Variants in PDIA6 observed in about 807,000 individuals in gnomAD.
The protein encoded by PDIA6 is protein disulfide isomerase family A member 6, also known as protein disulfide-isomerase A6.
In PDIA6, 29 loss-of-function variants were observed where a neutral mutation model predicts 58.4. That is an observed-to-expected ratio of 0.50 (90% CI 0.37 to 0.68). The LOEUF (loss-of-function observed/expected upper bound fraction) is 0.68. Among genes scored for constraint, PDIA6 ranks in the 30% least tolerant of loss-of-function variants. PDIA6 has a pLI of 0.00. For synonymous variants in PDIA6, 192 were observed against 202.6 expected (o/e 0.95, Z 0.44); for missense variants, 480 against 551.0 (o/e 0.87, Z 1.29).
chr2:10,786,187 G>A (rs1473199263), intron 11 of PDIA6, among the ~76,000 whole-genome samples: 3 of 152,158 alleles, frequency 2.0e-5, no homozygotes, highest in Non-Finnish European at 4.4e-5. Flanking sequence ...GCTGGGCGTG[G>A]TGGCAGGCGC....
At chr2:10,831,237 A>G (rs1667702837) in intron 1 of PDIA6, among the ~76,000 whole-genome samples, 1 of 151,654 alleles carries the variant, frequency 6.6e-6, no homozygotes. Context: ...CTTCCCCTTG[A>G]CCCCGTGGCC....
intron 4 of PDIA6, 82 bp downstream of exon 4, chr2:10,796,999 G>C (rs1666293651): frequency 1.7e-6 from 2 of 1,168,440 alleles, no homozygotes; most frequent in Admixed American, 3.6e-5. Flanking sequence ...GAACCTTGCA[G>C]GTAGAGCAGG....
Position 10,783,574 on chromosome 2 carries a change from T to A in PDIA6, c.*684A>T, listed in dbSNP as rs1060005. On this transcript the variant is annotated 3_prime_UTR_variant, in exon 13 of 13. Transcript: ENST00000272227. The stretch of plus-strand genomic sequence containing the variant: ...GCTATTTTGAGGTTCATTAACAACA[T>A]AGAAAGCCTTGAACTGTATAACCAG... 7.4e-5 allele frequency: 21 copies of A among 284,448 alleles called. No individual in the cohort carries two copies. Among genetic ancestry groups the A allele is most frequent in the Non-Finnish European group, 1.3e-4 (19 of 147,520 alleles). 17.6% of individuals were successfully genotyped at this position (284,448 alleles called of 1,614,324 possible). A position where few individuals can be genotyped will look rare whatever the true frequency, so the allele number is the denominator to read the frequency against.
intron 8 of PDIA6, 148 bp downstream of exon 8, chr2:10,789,601 C>G (rs1219848807): frequency 3.1e-6 from 2 of 636,458 alleles, no homozygotes; most frequent in African/African-American, 1.8e-5. Context: ...AGCAATTTAT[C>G]AGACTTTTTT....
chr2:10,812,927 A>G (rs1667073162), upstream of PDIA6: 1 of 933,286 alleles, frequency 1.1e-6, no homozygotes, highest in South Asian at 5.6e-5. Context: ...GGTAGAGGTT[A>G]CCGGTTTGGT....
intron 1 of PDIA6, among the ~76,000 whole-genome samples, chr2:10,807,654 T>C (rs996183926): frequency 6.6e-6 from 1 of 152,206 alleles, no homozygotes; most frequent in Non-Finnish European, 1.5e-5. Flanking sequence ...CTTAGTTACA[T>C]TTTCACATGC....
Position 10,797,075 on chromosome 2 carries a change from C to A in PDIA6, c.346+6G>T. ...GGGGAATGAAGTAGCTAGGAAAAGT[C>A]CTTACCTTGGTAATCTTCTGGTCTG... On this transcript the variant is annotated splice_donor_region_variant and intron_variant, in intron 4 of 12. Coordinates refer to ENST00000272227, the MANE Select transcript of PDIA6 (RefSeq NM_005742.4). 1 of 1,613,096 alleles carries A rather than the reference C, an allele frequency of 6.2e-7. No individual in the cohort carries two copies. The highest frequency in any genetic ancestry group is 8.5e-7 in the Non-Finnish European group (1 of 1,179,384).
At chr2:10,787,193 G>C in intron 11 of PDIA6, 88 bp downstream of exon 11, 1 of 1,093,928 alleles carries the variant, frequency 9.1e-7, no homozygotes, top group Non-Finnish European at 1.4e-6. Context: ...TTTATTACCT[G>C]GCTTATATAT....
exon 1 of PDIA6, chr2:10,837,535 C>T: frequency 2.8e-6 from 2 of 719,366 alleles, no homozygotes; most frequent in Non-Finnish European, 2.5e-6. Flanking sequence ...ACGATCCGAG[C>T]GCCGTGCAAG....
intron 2 of PDIA6, among the ~76,000 whole-genome samples, chr2:10,801,789 T>C (rs962895432): frequency 1.3e-5 from 2 of 152,222 alleles, no homozygotes; most frequent in African/African-American, 2.4e-5. Context: ...TCATCAGGCA[T>C]ACCCTAAAAT....
chr2:10,834,078 T>C (rs116771058), upstream of PDIA6, among the ~76,000 whole-genome samples: 2,564 of 152,356 alleles, frequency 0.017, 71 homozygotes, highest in African/African-American at 0.057. Context: ...GTTTTCTAAA[T>C]ACTGTTGCAA....
intron 2 of PDIA6, among the ~76,000 whole-genome samples, chr2:10,818,001 G>C (rs34223905): frequency 0.022 from 3,311 of 152,188 alleles, 56 homozygotes; most frequent in Non-Finnish European, 0.035. Flanking sequence ...CTCTTCCTAG[G>C]GGTGCTCAGG....
At chr2:10,793,012 G>T (rs1211700451) in intron 5 of PDIA6, 84 bp downstream of exon 5, 1 of 884,200 alleles carries the variant, frequency 1.1e-6, no homozygotes, top group Non-Finnish European at 1.9e-6. Flanking sequence ...TTAACATACT[G>T]TTAAAAAACA....
At chr2:10,834,252 C>A (rs901590092), upstream of PDIA6, among the ~76,000 whole-genome samples, 2 of 152,278 alleles carry the variant, frequency 1.3e-5, no homozygotes, top group Non-Finnish European at 2.9e-5. Context: ...AAAAAGGGAA[C>A]CTCTCAGGCT....
At chr2:10,807,758 C>T in intron 1 of PDIA6, among the ~76,000 whole-genome samples, 1 of 152,292 alleles carries the variant, frequency 6.6e-6, no homozygotes, top group Middle Eastern at 3.4e-3. Flanking sequence ...CACCATTGTT[C>T]ATTGTTTTAC....
rs1572655479 is a variant in PDIA6 at position 10,790,747 on chromosome 2, A to G, written c.671T>C (p.Val224Ala). ...KVKLAAVDAT[V>A]NQVLASRYGI... ...GTATCGGGAGGCCAGAACCTGATTG[A>G]CTGTAGCATCCACAGCTGCCAGTTT... The change falls in exon 7 of 13, where the codon GTC (valine) becomes GCC (alanine). Residue 224 changes from valine (V) to alanine (A), a missense_variant. Transcript: ENST00000272227. 1 of 1,613,776 alleles carries G rather than the reference A, an allele frequency of 6.2e-7. No homozygotes were observed. The highest frequency in any genetic ancestry group is 1.3e-5 in the African/African-American group (1 of 74,926).
chr2:10,790,949 A>G (rs1344524572), intron 6 of PDIA6, 116 bp from the exon 7 acceptor site: 11 of 684,184 alleles, frequency 1.6e-5, no homozygotes, highest in Non-Finnish European at 2.8e-5. Context: ...TCCTGGGCTC[A>G]GGTGATCTCA....
chr2:10,835,901 A>G (rs1667822805), upstream of PDIA6, among the ~76,000 whole-genome samples: 1 of 152,116 alleles, frequency 6.6e-6, no homozygotes, highest in African/African-American at 2.4e-5. Flanking sequence ...AAATACAATA[A>G]TTAGCTGGGC....
Position 10,783,525 on chromosome 2 carries a change from G to T in PDIA6, c.*733C>A. 1 of 351,816 alleles carries T rather than the reference G, an allele frequency of 2.8e-6. No individual in the cohort carries two copies. Among genetic ancestry groups the T allele is most frequent in the Non-Finnish European group, 5.3e-6 (1 of 189,322 alleles). 21.8% of individuals were successfully genotyped at this position (351,816 alleles called of 1,614,324 possible). A position where few individuals can be genotyped will look rare whatever the true frequency, so the allele number is the denominator to read the frequency against. On this transcript the variant is annotated 3_prime_UTR_variant, in exon 13 of 13. Transcript: ENST00000272227. ...AACTACCTGTTCGCATTGGTAACCTGCTGCTGTATTTCATGTCTTAACGGC... is the reference window on the plus strand; with the variant it reads ...AACTACCTGTTCGCATTGGTAACCTTCTGCTGTATTTCATGTCTTAACGGC...
Sources: gnomAD v4.1 joint callset for allele counts (sites outside exome capture counted in the v4.1 genomes callset) on GRCh38, gnomAD v4.1.1 for gene constraint, MANE v1.5 for transcripts, NCBI Gene and HGNC (gene_info 2026-07-23, HGNC 2026-07-21) for gene names.